ASB5: variants seen among roughly 807,000 people sequenced by gnomAD.
ASB5 encodes the protein ankyrin repeat and SOCS box containing 5, also known as ankyrin repeat and SOCS box protein 5.
In ASB5, 45 loss-of-function variants were observed where a neutral mutation model predicts 42.1. The ratio of observed to expected loss-of-function variants is 1.07; its 90% CI spans 0.84 to 1.37. The LOEUF is 1.37. ASB5 is among the 40% of genes most tolerant of loss of function. ASB5 has a pLI of 0.00. For synonymous variants in ASB5, 147 were observed against 150.6 expected, an observed-to-expected ratio of 0.98 and a Z score of 0.18; for missense variants, 402 against 399.8, an observed-to-expected ratio of 1.01 and a Z score of -0.05.
At chr4:176,264,940 A>G (rs1240540074) in intron 1 of ASB5, among the ~76,000 whole-genome samples, 2 of 151,924 alleles carry the variant, frequency 1.3e-5, no homozygotes, top group Non-Finnish European at 2.9e-5. Context: ...CCGTACCACT[A>G]TTACCAAACT....
chr4:176,274,223 G>A (rs1383045607), intron 2 of ASB5, among the ~76,000 whole-genome samples: 1 of 152,152 alleles, frequency 6.6e-6, no homozygotes, highest in Non-Finnish European at 1.5e-5. Flanking sequence ...CTTCATTGGA[G>A]CACCTGGATC....
chr4:176,221,602 T>A lies in ASB5; in HGVS notation c.385-2A>T. The A allele has an allele frequency of 6.2e-7, 1 of 1,603,094 alleles. No individual in the cohort carries two copies. The highest frequency in any genetic ancestry group is 8.5e-7 in the Non-Finnish European group (1 of 1,173,372). ...GCCATCTATCGTGATTGCATTTACC[T>A]AAACCAAACCAAAATATCCAAACAT... On this transcript the variant is annotated splice_acceptor_variant, in intron 3 of 6. Transcript: ENST00000296525. LOFTEE classifies it high-confidence loss of function.
At chr4:176,259,389 G>C (rs1390433545) in intron 1 of ASB5, among the ~76,000 whole-genome samples, 1 of 152,154 alleles carries the variant, frequency 6.6e-6, no homozygotes, top group East Asian at 1.9e-4. Flanking sequence ...CATTTCTCTA[G>C]TGAATGAAGT....
At chr4:176,224,059 T>A (rs1193311174) in intron 2 of ASB5, among the ~76,000 whole-genome samples, 1 of 152,024 alleles carries the variant, frequency 6.6e-6, no homozygotes, top group African/African-American at 2.4e-5. Context: ...AGGTTGTGAT[T>A]CACCTCAAGT....
intron 1 of ASB5, chr4:176,241,324 C>T (rs188048483): frequency 1.9e-5 from 13 of 685,282 alleles, no homozygotes; most frequent in Admixed American, 1.4e-4. Context: ...TATTTCTGAA[C>T]GTCATTTTAA....
chr4:176,219,216 AATAT>A (rs1198802321), intron 5 of ASB5, among the ~76,000 whole-genome samples: 1 of 116,018 alleles, frequency 8.6e-6, no homozygotes, highest in Non-Finnish European at 1.6e-5. Context: ...ATGACAGATA[AATAT>A]ATATATTTGT....
At chr4:176,261,883 A>C (rs1208774529) in intron 1 of ASB5, among the ~76,000 whole-genome samples, 2 of 151,666 alleles carry the variant, frequency 1.3e-5, no homozygotes, top group South Asian at 4.1e-4. Context: ...TATATAATAC[A>C]GAAATTATAT....
At chr4:176,265,457 A>G (rs1754338250) in intron 1 of ASB5, among the ~76,000 whole-genome samples, 1 of 152,206 alleles carries the variant, frequency 6.6e-6, no homozygotes. Context: ...AAGGATGAGA[A>G]CAATACATTT....
In ASB5 at chr4:176,269,194, G is replaced by GGTCCT; in HGVS notation, c.-91_-87dup. 12 of 1,211,020 alleles carry GGTCCT rather than the reference G, an allele frequency of 9.9e-6. No homozygotes were observed. Among genetic ancestry groups the GGTCCT allele is most frequent in the Non-Finnish European group, 1.4e-5 (12 of 875,818 alleles). The allele number at this position is 1,211,020 out of a possible 1,614,324, so 75.0% of individuals were successfully genotyped here. A position where few individuals can be genotyped will look rare whatever the true frequency, so the allele number is the denominator to read the frequency against. On this transcript the variant is annotated 5_prime_UTR_variant, in exon 1 of 7. Transcript: ENST00000296525. Reference sequence around the variant, plus strand: ...TCGTCCGGGATGCTCCTGAACAGCTGGTCCTGAGGAAAGAAAATATCAGCT... The same window carrying GGTCCT: ...TCGTCCGGGATGCTCCTGAACAGCTGGTCCTGTCCTGAGGAAAGAAAATATCAGCT...
At position 176,216,838 on chromosome 4, in the gene ASB5, C is replaced by G; in HGVS notation, c.842G>C (p.Arg281Thr). ...CTTACCTTCATGTTGAAGCAATATCCTTTCCACCATACTGCTAGACGTAGC... is the reference window on the plus strand; with the variant it reads ...CTTACCTTCATGTTGAAGCAATATCGTTTCCACCATACTGCTAGACGTAGC... ...DVATSSSMVERILLQHEATPS... is the reference protein window; with the variant it reads ...DVATSSSMVETILLQHEATPS... Residue 281 changes from arginine (R) to threonine (T), a missense_variant, in exon 6 of 7, where the codon AGG (arginine) becomes ACG (threonine). Transcript: ENST00000296525. The G allele has an allele frequency of 6.3e-7, 1 of 1,598,962 alleles. No individual in the cohort carries two copies. The highest frequency in any genetic ancestry group is 8.5e-7 in the Non-Finnish European group (1 of 1,175,400).
chr4:176,250,064 CAAAAAAA>C (rs5864368), intron 1 of ASB5, among the ~76,000 whole-genome samples: 1 of 126,782 alleles, frequency 7.9e-6, no homozygotes, highest in South Asian at 2.7e-4. Context: ...GACTCCATCT[CAAAAAAA>C]AAAAAAAAAA....
chr4:176,217,563 T>TA (rs1209682267), intron 5 of ASB5, among the ~76,000 whole-genome samples: 5 of 152,244 alleles, frequency 3.3e-5, no homozygotes, highest in African/African-American at 1.2e-4. Context: ...TTTAAGTCAG[T>TA]AAGTATATAA....
At chr4:176,230,130 G>A (rs1395307901) in intron 1 of ASB5, among the ~76,000 whole-genome samples, 1 of 152,114 alleles carries the variant, frequency 6.6e-6, no homozygotes, top group Non-Finnish European at 1.5e-5. Flanking sequence ...GATTGAGGGA[G>A]GATTAGAAAT....
At chr4:176,221,346 C>A in intron 4 of ASB5, 57 bp from the exon 5 acceptor site, 2 of 1,601,616 alleles carry the variant, frequency 1.2e-6, no homozygotes, top group Non-Finnish European at 1.7e-6. Context: ...ACACACCTCA[C>A]CCCAGGCTTC....
chr4:176,250,990 G>A (rs1754021132), intron 1 of ASB5, among the ~76,000 whole-genome samples: 1 of 152,076 alleles, frequency 6.6e-6, no homozygotes, highest in Non-Finnish European at 1.5e-5. Flanking sequence ...AATTTTCAAA[G>A]GGTCGCAAAT....
intron 1 of ASB5, chr4:176,237,659 T>TA: frequency 1.2e-6 from 1 of 833,206 alleles, no homozygotes; most frequent in Non-Finnish European, 1.4e-6. Flanking sequence ...TTTCTATTTT[T>TA]AAAGCAGAGA....
chr4:176,244,773 C>A (rs1439367859), intron 1 of ASB5, among the ~76,000 whole-genome samples: 3 of 152,074 alleles, frequency 2.0e-5, no homozygotes, highest in Non-Finnish European at 4.4e-5. Flanking sequence ...TAAAAATTAG[C>A]TGGGCATGGT....
chr4:176,271,520 G>A (rs4690679), upstream of ASB5, among the ~76,000 whole-genome samples: 26,414 of 152,100 alleles, frequency 0.17, 2,960 homozygotes, highest in Non-Finnish European at 0.24. Context: ...TGGTAGCAAG[G>A]TCTAGTTGAT....
chr4:176,273,061 C>G (rs1011747649), upstream of ASB5, among the ~76,000 whole-genome samples: 1 of 151,648 alleles, frequency 6.6e-6, no homozygotes, highest in Non-Finnish European at 1.5e-5. Flanking sequence ...GCAGTCCTCC[C>G]ACCTCAGCCA....
Sources: gnomAD v4.1 joint callset for allele counts (sites outside exome capture counted in the v4.1 genomes callset) on GRCh38, gnomAD v4.1.1 for gene constraint, MANE v1.5 for transcripts, NCBI Gene and HGNC (gene_info 2026-07-23, HGNC 2026-07-21) for gene names.